P3H1: variants seen among roughly 807,000 people sequenced by gnomAD.
The protein encoded by P3H1 is prolyl 3-hydroxylase 1.
In P3H1, 69 loss-of-function variants were observed where a neutral mutation model predicts 84.0. The observed-to-expected ratio is 0.82, with a 90% confidence interval of 0.68 to 1.00. The LOEUF (loss-of-function observed/expected upper bound fraction) is 1.00. Among genes scored for constraint, P3H1 ranks in the 50% least tolerant of loss-of-function variants. The probability of loss-of-function intolerance (pLI) is 0.00; values close to 1 mark genes in which losing one functional copy is unlikely to be tolerated. For missense variants in P3H1, 878 were observed against 962.8 expected (o/e 0.91, Z 1.17); for synonymous variants, 366 against 388.8 (o/e 0.94, Z 0.69).
chr1:42,757,635 C>T (rs1257333559), intron 5 of P3H1, 148 bp downstream of exon 5: 2 of 1,141,632 alleles, frequency 1.8e-6, no homozygotes, highest in Non-Finnish European at 2.6e-6. Flanking sequence ...GAATAACAAG[C>T]CGAGTGACTG....
At chr1:42,753,691 G>A (rs902339021) in intron 8 of P3H1, among the ~76,000 whole-genome samples, 1 of 152,128 alleles carries the variant, frequency 6.6e-6, no homozygotes, top group Non-Finnish European at 1.5e-5. Context: ...GGGAGGCCAG[G>A]GCGGGTGGAT....
rs1244144907 is a variant in P3H1, at chr1:42,746,852, C to A, written c.2056G>T (p.Asp686Tyr). The change falls in exon 15 of 15, where the codon GAC (aspartate) becomes TAC (tyrosine). Residue 686 changes from aspartate to tyrosine, a missense_variant and splice_region_variant. Coordinates refer to ENST00000296388, the MANE Select transcript of P3H1 (RefSeq NM_022356.4). Reference sequence around the variant, plus strand: ...ACCAGGTCATCTGCCTGCACCCTGTCCTGCAAGGACAAACCCCTGCCCATT... The same window carrying A: ...ACCAGGTCATCTGCCTGCACCCTGTACTGCAAGGACAAACCCCTGCCCATT... ...FTLDPRHSER[D>Y]RVQADDLVKM... 1.2e-6 allele frequency: 2 copies of A among 1,614,086 alleles called. No homozygotes were observed. Among genetic ancestry groups the A allele is most frequent in the Admixed American group, 1.7e-5 (1 of 59,998 alleles).
intron 4 of P3H1, 84 bp downstream of exon 4, chr1:42,758,767 GA>G: frequency 1.4e-6 from 2 of 1,479,302 alleles, no homozygotes; most frequent in Non-Finnish European, 1.9e-6. Flanking sequence ...ACACCTTGAG[GA>G]AGTAAGTGGC....
chr1:42,766,468 A>G, intron 1 of P3H1, 39 bp downstream of exon 1: 1 of 1,541,146 alleles, frequency 6.5e-7, no homozygotes, highest in South Asian at 1.2e-5. Context: ...TCCTCTCCCC[A>G]GAAGGACCCC....
At position 42,764,693 on chromosome 1, in the gene P3H1, C is replaced by T. The variant is rs566282261; in HGVS notation, c.465+1814G>A. On this transcript the variant is annotated intron_variant, in intron 1 of 14. Coordinates refer to ENST00000296388, the MANE Select transcript of P3H1 (RefSeq NM_022356.4). The stretch of plus-strand genomic sequence containing the variant: ...AATTTTAGGTGGTATGATTAATATG[C>T]TAAGAAAACTTATTTTCTTATCATT... Among the ~76,000 whole-genome samples the T allele has an allele frequency of 1.2e-3, 176 of 152,208 alleles. 2 individuals are homozygous for T. The South Asian group carries it at 0.017, about 15-fold the overall frequency.
chr1:42,747,581 G>A (rs919532328), intron 13 of P3H1, 142 bp downstream of exon 13: 24 of 1,109,982 alleles, frequency 2.2e-5, no homozygotes, highest in South Asian at 1.4e-4. Context: ...TGATGGACAC[G>A]TCTCAAAGCC....
intron 1 of P3H1, 30 bp downstream of exon 1, chr1:42,766,477 C>G: frequency 1.3e-6 from 2 of 1,562,226 alleles, no homozygotes; most frequent in African/African-American, 1.4e-5. Flanking sequence ...CAGAAGGACC[C>G]CGGCCGCCTG....
intron 3 of P3H1, 104 bp downstream of exon 3, chr1:42,759,097 A>G (rs557620764): frequency 1.3e-6 from 2 of 1,574,078 alleles, no homozygotes; most frequent in East Asian, 2.2e-5. Context: ...CTCAGATTTA[A>G]TAAATTGAGG....
intron 7 of P3H1, 26 bp from the exon 8 acceptor site, chr1:42,755,016 T>G (rs775261292): frequency 1.9e-5 from 30 of 1,614,150 alleles, no homozygotes; most frequent in Non-Finnish European, 2.4e-5. Flanking sequence ...CTCTGAGGAC[T>G]GCATTCCAGG....
At chr1:42,766,482 C>G (rs372903312) in intron 1 of P3H1, 25 bp downstream of exon 1, 849 of 1,570,182 alleles carry the variant, frequency 5.4e-4, no homozygotes, top group Non-Finnish European at 6.9e-4. Flanking sequence ...GGACCCCGGC[C>G]GCCTGGTTCC....
At position 42,747,254 on chromosome 1, in the gene P3H1, C is replaced by A. The variant is rs137853890; in HGVS notation, c.2055+18G>T. 6.2e-7 allele frequency: 1 copy of A among 1,613,400 alleles called. No homozygotes were observed. Among genetic ancestry groups the A allele is most frequent in the Non-Finnish European group, 8.5e-7 (1 of 1,179,540 alleles). On this transcript the variant is annotated intron_variant, in intron 14 of 14. Transcript: ENST00000296388. Reference sequence around the variant, plus strand: ...CACCACAGCACCAGCTGCTCTCACCCGCTCGAGCTGCTCTCACCCGCTCGC... The same window carrying A: ...CACCACAGCACCAGCTGCTCTCACCAGCTCGAGCTGCTCTCACCCGCTCGC...
At chr1:42,763,672 CAAAAAAAAAAAAAAA>C (rs766034061) in intron 1 of P3H1, among the ~76,000 whole-genome samples, 2 of 41,502 alleles carry the variant, frequency 4.8e-5, no homozygotes, top group African/African-American at 1.1e-4. Context: ...ACTCTTGTCT[CAAAAAAAAAAAAAAA>C]AAAAAAAAAA....
intron 1 of P3H1, among the ~76,000 whole-genome samples, chr1:42,762,948 T>C (rs1405214808): frequency 2.0e-5 from 3 of 151,892 alleles, no homozygotes; most frequent in Non-Finnish European, 4.4e-5. Flanking sequence ...AAAAATTACA[T>C]GGTACTATAT....
In P3H1 at chr1:42,752,296, A is replaced by T. The variant is rs1652145425; in HGVS notation, c.1547T>A (p.Val516Asp). 5.0e-6 allele frequency: 8 copies of T among 1,613,984 alleles called. No homozygotes were observed. Among genetic ancestry groups the T allele is most frequent in the Non-Finnish European group, 5.9e-6 (7 of 1,179,900 alleles). The change falls in exon 10 of 15, where the codon GTC becomes GAC. Residue 516 changes from valine (V) to aspartate (D), a missense_variant. Physicochemically the swap from Val to Asp is radical, Grantham distance 152. Coordinates refer to ENST00000296388, the MANE Select transcript of P3H1 (RefSeq NM_022356.4). The stretch of plus-strand genomic sequence containing the variant: ...TACCTTGAGGGCTTTGAAGACAGTG[A>T]CACCATAGAACTTTTCATTGGGAGT... ...PHTPNEKFYG[V>D]TVFKALKLGQ...
intron 11 of P3H1, among the ~76,000 whole-genome samples, chr1:42,749,440 G>A (rs935365084): frequency 2.6e-5 from 4 of 152,310 alleles, no homozygotes; most frequent in African/African-American, 9.6e-5. Context: ...TCTTGGACAT[G>A]CAAAAGGGAA....
intron 5 of P3H1, among the ~76,000 whole-genome samples, chr1:42,757,511 T>C (rs1296411946): frequency 2.0e-5 from 3 of 152,130 alleles, no homozygotes; most frequent in African/African-American, 7.2e-5. Context: ...GGGGAAAGAA[T>C]ATGCTCACCG....
In P3H1 at chr1:42,747,765, G is replaced by T; in HGVS notation, c.1872C>A (p.Gly624=). ...AILYLNGDFD[G]GNFYFTELDA... ...CCAGTTCAGTGAAATAAAAGTTTCC[G>T]CCATCGAAGTCCCCATTTAGGTAAA... The change falls in exon 13 of 15, where the codon GGC becomes GGA. Residue 624 remains glycine (G), a synonymous_variant. Transcript: ENST00000296388. 1 of 1,614,164 alleles carries T rather than the reference G, an allele frequency of 6.2e-7. No homozygotes were observed. The highest frequency in any genetic ancestry group is 1.1e-5 in the South Asian group (1 of 91,082).
rs1652157639 is a variant in P3H1, at chr1:42,752,452, G to A, written c.1474-83C>T. On this transcript the variant is annotated intron_variant, in intron 9 of 14. Transcript: ENST00000296388. The stretch of plus-strand genomic sequence containing the variant: ...GGTGGTCAACTGTGGCCAGGAAGAG[G>A]AAGGCGAAGGCTACCACCCAAGGGG... 4 of 1,610,624 alleles carry A rather than the reference G, an allele frequency of 2.5e-6. No individual in the cohort carries two copies. In the Admixed American group the frequency reaches 5.0e-5, roughly 20 times the overall value.
In P3H1 at chr1:42,750,302, G is replaced by A. The variant is rs1651963746; in HGVS notation, c.1604C>T (p.Ala535Val). 21 of 1,614,020 alleles carry A rather than the reference G, an allele frequency of 1.3e-5. No individual in the cohort carries two copies. The highest frequency in any genetic ancestry group is 1.6e-5 in the Non-Finnish European group (19 of 1,179,982). The part of the protein sequence containing the change: ...GQEGKVPLQS[A>V]HLYYNVTEKV... Reference sequence around the variant, plus strand: ...CTCCGTCACGTTGTAGTACAGGTGGGCACTCTGCAGAGGAACTTTGCCTTC... The same window carrying A: ...CTCCGTCACGTTGTAGTACAGGTGGACACTCTGCAGAGGAACTTTGCCTTC... Residue 535 changes from alanine (A) to valine (V), a missense_variant, in exon 11 of 15, where the codon GCC (alanine) becomes GTC (valine). Transcript: ENST00000296388.
Sources: gnomAD v4.1 joint callset for allele counts (sites outside exome capture counted in the v4.1 genomes callset) on GRCh38, gnomAD v4.1.1 for gene constraint, MANE v1.5 for transcripts, NCBI Gene and HGNC (gene_info 2026-07-23, HGNC 2026-07-21) for gene names.